Variants in KCND3 observed in about 807,000 individuals in gnomAD.
KCND3 encodes A-type voltage-gated potassium channel KCND3.
In KCND3, 9 loss-of-function variants were observed where a neutral mutation model predicts 51.1. That is an observed-to-expected ratio of 0.18 (90% confidence interval 0.11 to 0.31). KCND3 has a LOEUF of 0.31. Among genes scored for constraint, KCND3 ranks in the 10% least tolerant of loss-of-function variants. The pLI, the probability that KCND3 is intolerant of heterozygous loss-of-function variation, is 1.00. For synonymous variants in KCND3, 349 were observed against 368.0 expected (o/e 0.95, Z 0.59); for missense variants, 526 against 903.8 (o/e 0.58, Z 5.36).
chr1:111,795,839 C>T (rs1665031508), intron 2 of KCND3, among the ~76,000 whole-genome samples: 1 of 152,228 alleles, frequency 6.6e-6, no homozygotes, highest in South Asian at 2.1e-4. Context: ...CACAACCTCA[C>T]CAGCATCTAT....
chr1:111,837,278 T>C (rs1667107302), intron 2 of KCND3, among the ~76,000 whole-genome samples: 1 of 152,084 alleles, frequency 6.6e-6, no homozygotes, highest in Non-Finnish European at 1.5e-5. Flanking sequence ...TGCAGTATCA[T>C]CATGAGCCCC....
chr1:111,933,053 A>G (rs1317858107), intron 2 of KCND3, among the ~76,000 whole-genome samples: 1 of 152,198 alleles, frequency 6.6e-6, no homozygotes, highest in Admixed American at 6.5e-5. Context: ...AAGTAATCAG[A>G]TTATGGGGGC....
intron 2 of KCND3, among the ~76,000 whole-genome samples, chr1:111,926,906 C>T (rs1241769371): frequency 6.6e-6 from 1 of 152,230 alleles, no homozygotes; most frequent in East Asian, 1.9e-4. Flanking sequence ...GGTCTCTTCC[C>T]CTTCTGTCCT....
chr1:111,961,965 T>C (rs561870464), intron 2 of KCND3, among the ~76,000 whole-genome samples: 1 of 152,224 alleles, frequency 6.6e-6, no homozygotes, highest in African/African-American at 2.4e-5. Context: ...CTGGCCCGAG[T>C]TGCTGGCACG....
chr1:111,828,102 G>A (rs1263157263), intron 2 of KCND3, among the ~76,000 whole-genome samples: 2 of 152,258 alleles, frequency 1.3e-5, no homozygotes, highest in East Asian at 1.9e-4. Flanking sequence ...AAGGCTTGCC[G>A]CTCTGCCCCA....
chr1:111,770,822 A>G lies in KCND3; in HGVS notation c.*5255T>C, dbSNP rs963424925. On this transcript the variant is annotated 3_prime_UTR_variant, in exon 8 of 8. Coordinates refer to ENST00000302127, the MANE Select transcript of KCND3 (RefSeq NM_001378969.1). ...AACTCAAGGGTGTTTTTTTTTTTTCATAGAAAGTTTTCATGTTTTATCTTC... is the reference window on the plus strand; with the variant it reads ...AACTCAAGGGTGTTTTTTTTTTTTCGTAGAAAGTTTTCATGTTTTATCTTC... 6.7e-6 allele frequency: 1 copy of G among 149,542 alleles called. No individual in the cohort carries two copies. Among genetic ancestry groups the G allele is most frequent in the African/African-American group, 2.5e-5 (1 of 40,490 alleles). The allele number at this position is 149,542 out of a possible 1,614,324, so 9.3% of individuals were successfully genotyped here.
intron 2 of KCND3, among the ~76,000 whole-genome samples, chr1:111,853,208 G>C (rs1391574225): frequency 1.3e-5 from 2 of 152,180 alleles, no homozygotes; most frequent in Admixed American, 1.3e-4. Context: ...AACTGGGCTG[G>C]AATTTCCAGC....
chr1:111,900,117 C>T (rs1236464614), intron 2 of KCND3, among the ~76,000 whole-genome samples: 2 of 152,128 alleles, frequency 1.3e-5, no homozygotes, highest in East Asian at 1.9e-4. Flanking sequence ...TACATATATA[C>T]AGACATATGG....
chr1:111,882,178 T>C (rs186948865), intron 2 of KCND3, among the ~76,000 whole-genome samples: 85 of 152,262 alleles, frequency 5.6e-4, no homozygotes, highest in Non-Finnish European at 1.0e-3. Context: ...TGAGGTGTTT[T>C]CCCATGCCCC....
chr1:111,805,507 A>T lies in KCND3; in HGVS notation c.1107-18401T>A, dbSNP rs79142894. 8.5e-5 allele frequency among the ~76,000 whole-genome samples: 13 copies of T among 152,348 alleles called. No homozygotes were observed. The East Asian group carries it at 2.5e-3, about 29-fold the overall frequency. ...AGTCAGACTGACACATACCCTGTGC[A>T]TTTCAATGGCCTCCTGTGTGGACAG... On this transcript the variant is annotated intron_variant, in intron 2 of 7. Transcript: ENST00000302127.
rs1294618845 is a variant in KCND3 at position 111,772,610 on chromosome 1, C to G, written c.*3467G>C. ...CATTAAATAACTGCATGACCTTGAA[C>G]AAGTCATTTAATTTCTCTGGGTCTC... On this transcript the variant is annotated 3_prime_UTR_variant, in exon 8 of 8. Transcript: ENST00000302127. 1 of 152,214 alleles carries G rather than the reference C, an allele frequency of 6.6e-6. No homozygotes were observed. The highest frequency in any genetic ancestry group is 6.5e-5 in the Admixed American group (1 of 15,282). 9.4% of individuals were successfully genotyped at this position (152,214 alleles called of 1,614,324 possible). A position where few individuals can be genotyped will look rare whatever the true frequency, so the allele number is the denominator to read the frequency against.
intron 2 of KCND3, among the ~76,000 whole-genome samples, chr1:111,875,811 C>T (rs996194464): frequency 3.9e-5 from 6 of 152,238 alleles, no homozygotes; most frequent in African/African-American, 1.2e-4. Flanking sequence ...AACCATTAGA[C>T]CTGCACTTAG....
chr1:111,951,070 C>G (rs529362943), intron 2 of KCND3, among the ~76,000 whole-genome samples: 1 of 145,008 alleles, frequency 6.9e-6, no homozygotes, highest in Non-Finnish European at 1.5e-5. Flanking sequence ...CTTGGGAGGC[C>G]GAGGCAGGAG....
intron 2 of KCND3, among the ~76,000 whole-genome samples, chr1:111,896,061 C>T (rs1571814664): frequency 1.3e-5 from 2 of 152,242 alleles, no homozygotes; most frequent in Non-Finnish European, 2.9e-5. Context: ...GGGCAACATG[C>T]TCCACGCGCG....
intron 2 of KCND3, among the ~76,000 whole-genome samples, chr1:111,882,848 G>A (rs1254510615): frequency 1.3e-5 from 2 of 152,108 alleles, no homozygotes; most frequent in Admixed American, 6.5e-5. Context: ...CCAGGACCTC[G>A]GCCCAGCCCA....
intron 2 of KCND3, among the ~76,000 whole-genome samples, chr1:111,824,257 C>CGGTA (rs2101604509): frequency 6.6e-6 from 1 of 152,246 alleles, no homozygotes; most frequent in African/African-American, 2.4e-5. Context: ...GGGAAAGGGC[C>CGGTA]GGTAGTTGAA....
At chr1:111,932,417 ATGCAGTGGCATTAAGTGCATTCACAC>A (rs1672019904) in intron 2 of KCND3, among the ~76,000 whole-genome samples, 1 of 152,178 alleles carries the variant, frequency 6.6e-6, no homozygotes, top group Non-Finnish European at 1.5e-5. Flanking sequence ...TAAGCTTACA[ATGCAGTGGCATTAAGTGCATTCACAC>A]TGCAGTGCAG....
chr1:111,795,145 T>G (rs550694256), intron 2 of KCND3, among the ~76,000 whole-genome samples: 9 of 152,092 alleles, frequency 5.9e-5, no homozygotes, highest in Admixed American at 2.0e-4. Context: ...ACTTGGGAAA[T>G]GAAATGAAAC....
chr1:111,864,461 A>C (rs1336524892), intron 2 of KCND3, among the ~76,000 whole-genome samples: 4 of 152,190 alleles, frequency 2.6e-5, no homozygotes, highest in Admixed American at 6.5e-5. Flanking sequence ...TATTTCAGTA[A>C]AATGTAATTC....
Sources: gnomAD v4.1 joint callset for allele counts (sites outside exome capture counted in the v4.1 genomes callset) on GRCh38, gnomAD v4.1.1 for gene constraint, MANE v1.5 for transcripts, NCBI Gene and HGNC (gene_info 2026-07-23, HGNC 2026-07-21) for gene names.